Variants in ARHGAP23 observed in about 807,000 individuals in gnomAD.
ARHGAP23 encodes Rho GTPase activating protein 23.
A neutral mutation model predicts 136.3 loss-of-function variants in ARHGAP23; 34 were observed. The observed-to-expected ratio is 0.25, with a 90% CI of 0.19 to 0.33. The LOEUF is 0.33. Among genes scored for constraint, ARHGAP23 ranks in the 10% least tolerant of loss-of-function variants. The pLI is 1.00. For missense variants in ARHGAP23, 1,808 were observed against 2,139.0 expected (o/e 0.85, Z 3.05); for synonymous variants, 832 against 920.5 (o/e 0.90, Z 1.74).
intron 14 of ARHGAP23, among the ~76,000 whole-genome samples, chr17:38,481,449 C>T (rs567851393): frequency 3.3e-5 from 5 of 152,218 alleles, no homozygotes; most frequent in Admixed American, 2.6e-4. Flanking sequence ...GCCCGGCCCA[C>T]GCCCGGCTAA....
chr17:38,477,404 G>C lies in ARHGAP23; in HGVS notation c.2119-175G>C, dbSNP rs1414220659. On this transcript the variant is annotated intron_variant, in intron 11 of 23. Coordinates refer to ENST00000622683, the MANE Select transcript of ARHGAP23 (RefSeq NM_001199417.2). This position sits in a 1 kb window ranked among gnomAD's most constrained non-coding sequence, Gnocchi z 6.6. ...TCTAGGCAGGCAAGGGGCTGAGAAG[G>C]CATTGGTGGGCTGTGGGCAGGAGGC... Among the ~76,000 whole-genome samples, 2 of 152,074 alleles carry C rather than the reference G, an allele frequency of 1.3e-5. No homozygotes were observed. Among genetic ancestry groups the C allele is most frequent in the African/African-American group, 4.8e-5 (2 of 41,422 alleles).
At chr17:38,464,005 C>T (rs1490645333) in intron 6 of ARHGAP23, among the ~76,000 whole-genome samples, 8 of 152,108 alleles carry the variant, frequency 5.3e-5, no homozygotes, top group Non-Finnish European at 5.9e-5. Flanking sequence ...TAAAACACGA[C>T]ACACTCACCA....
intron 14 of ARHGAP23, among the ~76,000 whole-genome samples, chr17:38,481,189 C>A (rs2040031873): frequency 1.3e-5 from 2 of 150,708 alleles, no homozygotes; most frequent in Non-Finnish European, 3.0e-5. Flanking sequence ...CTCTGTTGCC[C>A]AGGCTGGAGT....
intron 23 of ARHGAP23, 86 bp from the exon 24 acceptor site, chr17:38,509,858 G>A (rs981173849): frequency 6.5e-6 from 7 of 1,081,998 alleles, no homozygotes; most frequent in African/African-American, 1.6e-5. Flanking sequence ...ACTGGGTGCC[G>A]TGACGTGGGG....
At chr17:38,421,562 A>G (rs1025040674) in intron 1 of ARHGAP23, among the ~76,000 whole-genome samples, 5 of 152,238 alleles carry the variant, frequency 3.3e-5, no homozygotes, top group African/African-American at 1.2e-4. Flanking sequence ...GAATCCTTTT[A>G]TAGTGCGTGA....
chr17:38,435,326 G>T (rs1210292611), intron 1 of ARHGAP23, among the ~76,000 whole-genome samples: 1 of 152,246 alleles, frequency 6.6e-6, no homozygotes, highest in East Asian at 1.9e-4. Context: ...TTGTTGAGTT[G>T]TCATAAGAGG....
intron 1 of ARHGAP23, among the ~76,000 whole-genome samples, chr17:38,439,265 T>C (rs1038073664): frequency 6.6e-6 from 1 of 152,126 alleles, no homozygotes; most frequent in African/African-American, 2.4e-5. Flanking sequence ...TAGAAGGGCC[T>C]TCTCTGCCTT....
chr17:38,441,080 C>T (rs2038909490), intron 1 of ARHGAP23, among the ~76,000 whole-genome samples: 1 of 152,254 alleles, frequency 6.6e-6, no homozygotes, highest in Non-Finnish European at 1.5e-5. Flanking sequence ...AGGTTGGGCA[C>T]TGCCTTTTGC....
intron 22 of ARHGAP23, 113 bp downstream of exon 22, chr17:38,498,623 C>T: frequency 5.7e-6 from 5 of 884,942 alleles, no homozygotes; most frequent in South Asian, 5.4e-5. Flanking sequence ...GCGGGGCCCT[C>T]CCCTGCCGGC....
rs8075324 is a variant in ARHGAP23 at position 38,466,241 on chromosome 17, C to G, written c.558C>G (p.Pro186=). 0.66 allele frequency: 1,024,975 copies of G among 1,545,804 alleles called. 347,644 individuals carry two copies. Among genetic ancestry groups the G allele is most frequent in the East Asian group, 0.97 (39,480 of 40,818 alleles). ...AGGCCCGCAGCATCCCAGAGCCACC[C>G]CCGATCTGCTACCCCCGCAAGACCT... is the stretch of plus-strand genomic sequence containing the variant. ...SGEARSIPEP[P]PICYPRKTYA... Residue 186 remains proline (P), a synonymous_variant, in exon 7 of 24, where the codon CCC becomes CCG. Coordinates refer to ENST00000622683, the MANE Select transcript of ARHGAP23 (RefSeq NM_001199417.2).
intron 1 of ARHGAP23, among the ~76,000 whole-genome samples, chr17:38,447,437 G>GAA (rs71138625): frequency 0.045 from 1,158 of 25,604 alleles, 150 homozygotes; most frequent in African/African-American, 0.1. Flanking sequence ...GACTCCGTCT[G>GAA]AAAAAAAAAA....
intron 1 of ARHGAP23, among the ~76,000 whole-genome samples, chr17:38,456,961 G>A (rs1567790146): frequency 6.6e-6 from 1 of 152,074 alleles, no homozygotes; most frequent in Non-Finnish European, 1.5e-5. Flanking sequence ...CTAGGCTGGA[G>A]TGCAATGGTG....
At chr17:38,457,715 T>A (rs1309409927) in intron 1 of ARHGAP23, 1 of 302,588 alleles carries the variant, frequency 3.3e-6, no homozygotes, top group Non-Finnish European at 6.2e-6. Context: ...TGTGTGAGAT[T>A]GTGCATGAGC....
In ARHGAP23 at chr17:38,510,608, C is replaced by T. The variant is rs1189437686; in HGVS notation, c.4112C>T (p.Ala1371Val). 7.7e-7 allele frequency: 1 copy of T among 1,298,208 alleles called. No homozygotes were observed. The highest frequency in any genetic ancestry group is 1.6e-5 in the African/African-American group (1 of 64,198). The allele number at this position is 1,298,208 out of a possible 1,614,324, so 80.4% of individuals were successfully genotyped here. A position where few individuals can be genotyped will look rare whatever the true frequency, so the allele number is the denominator to read the frequency against. ...ALASRPSRME[A>V]LRLRLRGTAD... Reference sequence around the variant, plus strand: ...GCCTCCCGGCCCTCGCGCATGGAGGCGCTGCGTCTAAGGCTCCGCGGCACG... The same window carrying T: ...GCCTCCCGGCCCTCGCGCATGGAGGTGCTGCGTCTAAGGCTCCGCGGCACG... Residue 1371 changes from alanine to valine, a missense_variant, in exon 24 of 24, where the codon GCG becomes GTG. This residue lies in a region of ARHGAP23 where 506 missense variants were observed against 455.8 expected (regional missense o/e 1.11). Coordinates refer to ENST00000622683, the MANE Select transcript of ARHGAP23 (RefSeq NM_001199417.2). The surrounding 1 kb of genome is among the most constrained non-coding windows in gnomAD (Gnocchi z 4.6).
chr17:38,482,391 G>A, intron 15 of ARHGAP23, 132 bp from the exon 16 acceptor site: 1 of 1,063,494 alleles, frequency 9.4e-7, no homozygotes, highest in Non-Finnish European at 1.3e-6. Flanking sequence ...CTCCCAGACT[G>A]GAGGCAGCAA....
chr17:38,429,171 C>G lies in ARHGAP23; in HGVS notation c.63+623C>G, dbSNP rs1597733121. ...GCTCTGCCGGCGAGGCTGCCCTCCC[C>G]TCTGCCCTCTCCGACCGGCTGTGGG... On this transcript the variant is annotated intron_variant, in intron 1 of 23. Transcript: ENST00000622683. Among the ~76,000 whole-genome samples, 2 of 152,248 alleles carry G rather than the reference C, an allele frequency of 1.3e-5. 1 individual carries two copies. Among genetic ancestry groups the G allele is most frequent in the South Asian group, 4.1e-4 (2 of 4,838 alleles).
chr17:38,462,682 G>T (rs961139406), intron 3 of ARHGAP23, among the ~76,000 whole-genome samples, 164 bp from the exon 4 acceptor site: 1 of 152,200 alleles, frequency 6.6e-6, no homozygotes, highest in Non-Finnish European at 1.5e-5. Context: ...TGGGTTCTGT[G>T]CCTCCATGGA....
chr17:38,423,938 T>C (rs2038545057), upstream of ARHGAP23, among the ~76,000 whole-genome samples: 1 of 152,190 alleles, frequency 6.6e-6, no homozygotes, highest in South Asian at 2.1e-4. Flanking sequence ...GGTTTTTCCT[T>C]TTCAGCTCAC....
chr17:38,441,209 G>A (rs1013470486), intron 1 of ARHGAP23, among the ~76,000 whole-genome samples: 64 of 152,214 alleles, frequency 4.2e-4, no homozygotes, highest in African/African-American at 1.4e-3. Context: ...CCCCAAGTGT[G>A]CTTCCCCAGC....
Sources: allele counts gnomAD v4.1 joint callset (sites outside exome capture counted in the v4.1 genomes callset), GRCh38; gene constraint gnomAD v4.1.1; regional missense constraint gnomAD v4.1.1; non-coding constraint Gnocchi (gnomAD v3.1); transcripts MANE v1.5; gene names NCBI Gene and HGNC (gene_info 2026-07-23, HGNC 2026-07-21).